The following CARMIL1 variants were observed in gnomAD, a reference collection of about 807,000 sequenced individuals.
CARMIL1 encodes F-actin-uncapping protein LRRC16A.
In CARMIL1, 90 loss-of-function variants were observed where a neutral mutation model predicts 177.1. That is an observed-to-expected ratio of 0.51 (90% CI 0.43 to 0.61). CARMIL1 has a LOEUF of 0.61. Among genes scored for constraint, CARMIL1 ranks in the 20% least tolerant of loss-of-function variants. The pLI is 0.00. For missense variants in CARMIL1, 1,380 were observed against 1,667.0 expected (o/e 0.83, Z 3.00); for synonymous variants, 577 against 606.2 (o/e 0.95, Z 0.71).
intron 2 of CARMIL1, among the ~76,000 whole-genome samples, chr6:25,391,186 A>T (rs1792782322): frequency 6.6e-6 from 1 of 152,274 alleles, no homozygotes; most frequent in African/African-American, 2.4e-5. Context: ...TTCACTAATT[A>T]TTCACAGATA....
At chr6:25,495,335 T>C in intron 16 of CARMIL1, 120 bp downstream of exon 16, 1 of 596,304 alleles carries the variant, frequency 1.7e-6, no homozygotes, top group Non-Finnish European at 2.8e-6. Flanking sequence ...GAGAATGCCT[T>C]TTTACTCTGG....
At chr6:25,584,947 T>C (rs1050145305) in intron 31 of CARMIL1, among the ~76,000 whole-genome samples, 10 of 152,226 alleles carry the variant, frequency 6.6e-5, no homozygotes, top group African/African-American at 2.4e-4. Flanking sequence ...AAGCCAGGAC[T>C]CACAGGGTTG....
At chr6:25,512,675 C>T (rs1159757774) in intron 20 of CARMIL1, among the ~76,000 whole-genome samples, 2 of 152,134 alleles carry the variant, frequency 1.3e-5, no homozygotes, top group African/African-American at 4.8e-5. Context: ...CTTATTCACC[C>T]AGTATTATAC....
intron 8 of CARMIL1, among the ~76,000 whole-genome samples, chr6:25,459,497 C>A (rs953598651): frequency 1.3e-5 from 2 of 151,846 alleles, no homozygotes; most frequent in African/African-American, 4.8e-5. Context: ...AGCTATCCAC[C>A]TGCCTCAGCT....
chr6:25,353,547 C>G (rs1466679790), intron 2 of CARMIL1, among the ~76,000 whole-genome samples: 1 of 152,222 alleles, frequency 6.6e-6, no homozygotes, highest in Non-Finnish European at 1.5e-5. Context: ...GTTATGTGCT[C>G]TTATCCCCAT....
intron 2 of CARMIL1, 23 bp from the exon 3 acceptor site, chr6:25,420,091 A>ATGC: frequency 6.2e-7 from 1 of 1,604,960 alleles, no homozygotes; most frequent in Admixed American, 1.7e-5. Context: ...GCTTATACTG[A>ATGC]TGCTGCTGCT....
At chr6:25,476,098 A>G (rs1249046370) in intron 11 of CARMIL1, among the ~76,000 whole-genome samples, 1 of 152,200 alleles carries the variant, frequency 6.6e-6, no homozygotes, top group African/African-American at 2.4e-5. Flanking sequence ...ATTTTATTCA[A>G]TCTTAATGCT....
At position 25,600,597 on chromosome 6, in the gene CARMIL1, A is replaced by T. The variant is rs1429112764; in HGVS notation, c.3403A>T (p.Ser1135Cys). The T allele has an allele frequency of 6.2e-7, 1 of 1,613,960 alleles. No homozygotes were observed. Among genetic ancestry groups the T allele is most frequent in the Admixed American group, 1.7e-5 (1 of 60,020 alleles). Residue 1135 changes from serine (S) to cysteine (C), a missense_variant, in exon 33 of 37, where the codon AGT becomes TGT. Coordinates refer to ENST00000329474, the MANE Select transcript of CARMIL1 (RefSeq NM_017640.6). ...AAAAACACCTGACTCCTTTGAAGAGAGTCAAGGGGAAGAAATAGGGAAGGT... is the reference window on the plus strand; with the variant it reads ...AAAAACACCTGACTCCTTTGAAGAGTGTCAAGGGGAAGAAATAGGGAAGGT... ...EIKTPDSFEE[S>C]QGEEIGKVER... is the part of the protein sequence containing the mutation.
rs77330479 is a variant in CARMIL1 at position 25,372,672 on chromosome 6, A to G, written c.139-47442A>G. ...AGTCTTTAGGGTTTTCTAGGTATAT[A>G]ATCATACCACTGGCAAACAGAGATA... On this transcript the variant is annotated intron_variant, in intron 2 of 36. Coordinates refer to ENST00000329474, the MANE Select transcript of CARMIL1 (RefSeq NM_017640.6). Among the ~76,000 whole-genome samples the G allele has an allele frequency of 6.4e-3, 971 of 152,246 alleles. 8 individuals carry two copies. The highest frequency in any genetic ancestry group is 0.011 in the Non-Finnish European group (761 of 68,010).
intron 9 of CARMIL1, 136 bp downstream of exon 9, chr6:25,466,084 T>G: frequency 1.6e-6 from 1 of 630,330 alleles, no homozygotes; most frequent in Non-Finnish European, 2.8e-6. Context: ...GTATTTTCCT[T>G]TAAATGATTT....
At chr6:25,414,755 C>G (rs1253988396) in intron 2 of CARMIL1, among the ~76,000 whole-genome samples, 1 of 152,168 alleles carries the variant, frequency 6.6e-6, no homozygotes, top group Non-Finnish European at 1.5e-5. Context: ...AAGATTTCCT[C>G]TATTCCAACC....
At chr6:25,386,215 G>A (rs893754713) in intron 2 of CARMIL1, among the ~76,000 whole-genome samples, 6 of 152,142 alleles carry the variant, frequency 3.9e-5, no homozygotes, top group Non-Finnish European at 2.9e-5. Context: ...ATGATATAAG[G>A]ACATGGAATT....
rs775138022 is a variant in CARMIL1, at chr6:25,350,124, C to T, written c.138+65215C>T. On this transcript the variant is annotated intron_variant, in intron 2 of 36. Coordinates refer to ENST00000329474, the MANE Select transcript of CARMIL1 (RefSeq NM_017640.6). ...TTGTCTGGCCTTTGTCTGCTCCTCTCGGTCTAAGAGAGAGCTGGGCAGGCA... is the reference window on the plus strand; with the variant it reads ...TTGTCTGGCCTTTGTCTGCTCCTCTTGGTCTAAGAGAGAGCTGGGCAGGCA... Among the ~76,000 whole-genome samples, 175 of 152,134 alleles carry T rather than the reference C, an allele frequency of 1.2e-3. 2 individuals carry two copies. Among genetic ancestry groups the T allele is most frequent in the Admixed American group, 2.8e-3 (43 of 15,278 alleles).
At chr6:25,450,932 CTCT>C (rs1798808347) in intron 8 of CARMIL1, among the ~76,000 whole-genome samples, 1 of 13,406 alleles carries the variant, frequency 7.5e-5, no homozygotes, top group Non-Finnish European at 1.8e-4. Flanking sequence ...CTCTCCTCTC[CTCT>C]CCTCTCCTCT....
At chr6:25,581,545 T>C in intron 31 of CARMIL1, 106 bp downstream of exon 31, 1 of 1,011,974 alleles carries the variant, frequency 9.9e-7, no homozygotes, top group Non-Finnish European at 1.4e-6. Flanking sequence ...AAAGCTATGG[T>C]TAAGGAGACT....
chr6:25,359,690 T>C (rs1788988640), intron 2 of CARMIL1, among the ~76,000 whole-genome samples: 1 of 152,174 alleles, frequency 6.6e-6, no homozygotes, highest in South Asian at 2.1e-4. Context: ...GAAACTGAAA[T>C]GGGAATCATT....
At chr6:25,473,725 C>A (rs1801275015) in intron 11 of CARMIL1, among the ~76,000 whole-genome samples, 3 of 152,154 alleles carry the variant, frequency 2.0e-5, no homozygotes. Flanking sequence ...CTGCTCCCCA[C>A]CCCCATATTC....
chr6:25,544,879 T>C (rs1299628239), intron 26 of CARMIL1, among the ~76,000 whole-genome samples: 1 of 152,200 alleles, frequency 6.6e-6, no homozygotes, highest in East Asian at 1.9e-4. Context: ...CCTAGTTTTA[T>C]TCTAGAGAAG....
chr6:25,609,067 A>G (rs1003319031), intron 35 of CARMIL1, among the ~76,000 whole-genome samples: 1 of 152,148 alleles, frequency 6.6e-6, no homozygotes, highest in Non-Finnish European at 1.5e-5. Context: ...GCTGCATTCA[A>G]ATCCATCCTG....
Sources: allele counts gnomAD v4.1 joint callset (sites outside exome capture counted in the v4.1 genomes callset), GRCh38; gene constraint gnomAD v4.1.1; transcripts MANE v1.5; gene names NCBI Gene and HGNC (gene_info 2026-07-23, HGNC 2026-07-21).